MPDZ: variants seen among roughly 807,000 people sequenced by gnomAD.
The protein encoded by MPDZ is multiple PDZ domain crumbs cell polarity complex component, also known as multiple PDZ domain protein.
In MPDZ, 234 loss-of-function variants were observed where a neutral mutation model predicts 239.1. The observed-to-expected ratio is 0.98, with a 90% CI of 0.88 to 1.09. MPDZ has a LOEUF of 1.09. MPDZ is among the 50% of genes least tolerant of loss of function. The pLI is 0.00. For synonymous variants in MPDZ, 1,048 were observed against 881.3 expected, an observed-to-expected ratio of 1.19 and a Z score of -3.35; for missense variants, 3,175 against 2,510.0, an observed-to-expected ratio of 1.26 and a Z score of -5.66.
intron 42 of MPDZ, 82 bp downstream of exon 42, chr9:13,112,929 C>T (rs773024102): frequency 5.4e-6 from 7 of 1,305,328 alleles, no homozygotes; most frequent in Middle Eastern, 1.8e-4. Flanking sequence ...ACTTTAAAAC[C>T]GTAAGAAAGT....
intron 1 of MPDZ, among the ~76,000 whole-genome samples, chr9:13,272,842 A>G (rs868279961): frequency 6.6e-6 from 1 of 152,148 alleles, no homozygotes; most frequent in South Asian, 2.1e-4. Flanking sequence ...AAGCTTTATG[A>G]AATTTACCCA....
At chr9:13,145,514 C>A (rs1226081615) in intron 26 of MPDZ, among the ~76,000 whole-genome samples, 2 of 152,002 alleles carry the variant, frequency 1.3e-5, no homozygotes, top group East Asian at 1.9e-4. Context: ...AACACAATTA[C>A]CAGTAAGAGA....
chr9:13,246,251 G>A (rs533399980), intron 3 of MPDZ, among the ~76,000 whole-genome samples: 1 of 152,200 alleles, frequency 6.6e-6, no homozygotes, highest in Non-Finnish European at 1.5e-5. Context: ...AGACCAGCCT[G>A]GCCAACATGG....
chr9:13,136,538 G>C (rs952706200), intron 30 of MPDZ, among the ~76,000 whole-genome samples, 174 bp downstream of exon 30: 1 of 151,702 alleles, frequency 6.6e-6, no homozygotes, highest in Middle Eastern at 3.4e-3. Context: ...ATGTAAGCCA[G>C]GATGGTCCCG....
intron 1 of MPDZ, chr9:13,276,670 T>C (rs1198102520): frequency 6.6e-6 from 1 of 152,208 alleles, no homozygotes; most frequent in Non-Finnish European, 1.5e-5. Flanking sequence ...TCTACCATAT[T>C]TGGGGACATT....
chr9:13,197,644 A>G (rs991799861), intron 12 of MPDZ, among the ~76,000 whole-genome samples: 2 of 152,032 alleles, frequency 1.3e-5, no homozygotes, highest in African/African-American at 4.8e-5. Flanking sequence ...CTATTTTGAC[A>G]TACACAATAA....
At chr9:13,109,336 T>C (rs539794104) in intron 45 of MPDZ, among the ~76,000 whole-genome samples, 1 of 152,332 alleles carries the variant, frequency 6.6e-6, no homozygotes. Context: ...GTTCTCATTG[T>C]ACAGAGAAGC....
At chr9:13,200,104 T>C (rs557023785) in intron 12 of MPDZ, among the ~76,000 whole-genome samples, 5 of 152,102 alleles carry the variant, frequency 3.3e-5, no homozygotes, top group African/African-American at 1.2e-4. Context: ...AGAGACTTTT[T>C]ATTACCAACT....
intron 25 of MPDZ, among the ~76,000 whole-genome samples, chr9:13,149,983 A>G (rs943104691): frequency 7.9e-5 from 12 of 152,184 alleles, no homozygotes; most frequent in Non-Finnish European, 8.8e-5. Flanking sequence ...CTTGGAAAAA[A>G]AAAACTCATC....
At chr9:13,158,881 G>A (rs189293345) in intron 23 of MPDZ, among the ~76,000 whole-genome samples, 113 of 152,272 alleles carry the variant, frequency 7.4e-4, no homozygotes, top group Non-Finnish European at 1.3e-3. Context: ...AAATGAGGCT[G>A]AGAGGACAAT....
chr9:13,175,202 T>C (rs999554919), intron 21 of MPDZ, among the ~76,000 whole-genome samples: 1 of 152,154 alleles, frequency 6.6e-6, no homozygotes, highest in Non-Finnish European at 1.5e-5. Flanking sequence ...ACAGAAAGTC[T>C]TTTTTGCCCA....
chr9:13,235,221 T>C (rs1263681355), intron 3 of MPDZ, among the ~76,000 whole-genome samples: 1 of 152,172 alleles, frequency 6.6e-6, no homozygotes, highest in Non-Finnish European at 1.5e-5. Context: ...CAAAGGGAAT[T>C]AGCTTAATGT....
At chr9:13,200,844 T>A (rs1256133146) in intron 12 of MPDZ, among the ~76,000 whole-genome samples, 3 of 152,060 alleles carry the variant, frequency 2.0e-5, no homozygotes, top group African/African-American at 7.2e-5. Context: ...TGGTCTAGCC[T>A]GGAGTATGTT....
intron 5 of MPDZ, among the ~76,000 whole-genome samples, chr9:13,222,729 T>A (rs182357688): frequency 5.4e-4 from 82 of 152,246 alleles, no homozygotes; most frequent in Non-Finnish European, 1.0e-3. Flanking sequence ...TATTCTCATC[T>A]TCTAAAAATG....
At chr9:13,223,378 C>A (rs1228867642) in intron 5 of MPDZ, among the ~76,000 whole-genome samples, 193 bp downstream of exon 5, 2 of 152,016 alleles carry the variant, frequency 1.3e-5, no homozygotes, top group Non-Finnish European at 2.9e-5. Context: ...ATGACTATAT[C>A]TAAAAGCTAC....
At chr9:13,277,606 C>G (rs111422385) in intron 1 of MPDZ, among the ~76,000 whole-genome samples, 74 of 152,142 alleles carry the variant, frequency 4.9e-4, no homozygotes, top group Admixed American at 3.0e-3. Context: ...GCTCTGTCAC[C>G]CAGGCCGGAG....
intron 12 of MPDZ, among the ~76,000 whole-genome samples, chr9:13,200,663 T>C (rs1363278387): frequency 6.6e-6 from 1 of 152,118 alleles, no homozygotes; most frequent in Non-Finnish European, 1.5e-5. Context: ...TTTTAATTTA[T>C]TGACTCATTC....
intron 18 of MPDZ, among the ~76,000 whole-genome samples, chr9:13,184,832 A>G (rs1953872866): frequency 6.6e-6 from 1 of 152,006 alleles, no homozygotes; most frequent in African/African-American, 2.4e-5. Context: ...TAAGACTCAA[A>G]GAAATTGAGT....
intron 12 of MPDZ, among the ~76,000 whole-genome samples, chr9:13,204,540 C>T (rs1956778058): frequency 6.6e-6 from 1 of 152,100 alleles, no homozygotes; most frequent in African/African-American, 2.4e-5. Context: ...ACCTTCCAAA[C>T]CACTTCCCAA....
Sources: allele counts gnomAD v4.1 joint callset (sites outside exome capture counted in the v4.1 genomes callset), GRCh38; gene constraint gnomAD v4.1.1; transcripts MANE v1.5; gene names NCBI Gene and HGNC (gene_info 2026-07-23, HGNC 2026-07-21).